The following ANKRD26 variants were observed in gnomAD, a reference collection of about 807,000 sequenced individuals.
The protein encoded by ANKRD26 is ankyrin repeat domain 26.
In ANKRD26, 141 loss-of-function variants were observed where a neutral mutation model predicts 208.7. The observed-to-expected ratio is 0.68, with a 90% CI of 0.59 to 0.78. The LOEUF is 0.78. Ranked by LOEUF, ANKRD26 falls within the 30% of genes least tolerant of loss-of-function variation. The pLI, the probability that ANKRD26 is intolerant of heterozygous loss-of-function variation, is 0.00. For synonymous variants in ANKRD26, 636 were observed against 660.4 expected (o/e 0.96, Z 0.57); for missense variants, 1,889 against 1,938.7 (o/e 0.97, Z 0.48).
Position 27,005,683 on chromosome 10 carries a change from T to C in ANKRD26, c.5040A>G (p.Leu1680=). ...TTAGATTTGACTCATCAGTAGACCC[T>C]AGAGGGGAAGCTATTGATCCAGATT... ...ELESGSIASP[L]GSTDESNLNQ... Residue 1680 remains leucine (L), a synonymous_variant, in exon 34 of 34, where the codon CTA becomes CTG. Coordinates refer to ENST00000376087, the MANE Select transcript of ANKRD26 (RefSeq NM_014915.3). 6.2e-7 allele frequency: 1 copy of C among 1,612,296 alleles called. No individual in the cohort carries two copies. Among genetic ancestry groups the C allele is most frequent in the Non-Finnish European group, 8.5e-7 (1 of 1,179,004 alleles).
downstream of ANKRD26, among the ~76,000 whole-genome samples, chr10:26,989,290 C>CT (rs2052444785): frequency 7.2e-5 from 11 of 152,270 alleles, no homozygotes; most frequent in Admixed American, 6.5e-4. Flanking sequence ...CTTTTCTCCT[C>CT]TAACATTTTC....
At chr10:26,973,532 T>C (rs1197572813), downstream of ANKRD26, among the ~76,000 whole-genome samples, 2 of 151,860 alleles carry the variant, frequency 1.3e-5, no homozygotes, top group Non-Finnish European at 2.9e-5. Context: ...GCTGATTTTG[T>C]TTTATAATTT....
At chr10:26,951,521 T>C in the ANKRD26 span, among the ~76,000 whole-genome samples, 8 of 152,362 alleles carry the variant, frequency 5.3e-5, no homozygotes, top group South Asian at 8.3e-4. Flanking sequence ...TCACCTTTTA[T>C]ACTACATTTT....
rs191003153 is a variant in ANKRD26, at chr10:27,052,954, C to T, written c.1635+366G>A. 2.0e-3 allele frequency among the ~76,000 whole-genome samples: 301 copies of T among 152,208 alleles called. 2 individuals are homozygous for T. Among genetic ancestry groups the T allele is most frequent in the African/African-American group, 6.7e-3 (280 of 41,556 alleles). ...AAGATGAATCCAACTCAGTGGCCAT[C>T]AGTGTTAAAATGTTCATAATTTCTA... On this transcript the variant is annotated intron_variant, in intron 16 of 33. Transcript: ENST00000376087.
At chr10:27,030,678 T>C in intron 25 of ANKRD26, 1 of 818,318 alleles carries the variant, frequency 1.2e-6, no homozygotes, top group African/African-American at 1.9e-5. Flanking sequence ...AACTTTCCTT[T>C]ACTAGATTAA....
At chr10:26,954,050 T>C in the ANKRD26 span, among the ~76,000 whole-genome samples, 1 of 152,242 alleles carries the variant, frequency 6.6e-6, no homozygotes, top group African/African-American at 2.4e-5. Flanking sequence ...CTTTCACTTA[T>C]ATTGTCTGGT....
Position 27,005,480 on chromosome 10 carries a change from G to C in ANKRD26, c.*110C>G, listed in dbSNP as rs2052838914. On this transcript the variant is annotated 3_prime_UTR_variant, in exon 34 of 34. Transcript: ENST00000376087. The stretch of plus-strand genomic sequence containing the variant: ...TAAAATACTATATAAATTTTGATCT[G>C]ACATATATGATACAAAAATACGTTC... 1.3e-6 allele frequency: 2 copies of C among 1,524,956 alleles called. No homozygotes were observed. Among genetic ancestry groups the C allele is most frequent in the African/African-American group, 1.4e-5 (1 of 70,860 alleles). 94.5% of individuals were successfully genotyped at this position (1,524,956 alleles called of 1,614,324 possible). A position where few individuals can be genotyped will look rare whatever the true frequency, so the allele number is the denominator to read the frequency against.
intron 4 of ANKRD26, among the ~76,000 whole-genome samples, chr10:26,981,379 T>C (rs1364415310): frequency 6.6e-6 from 1 of 152,192 alleles, no homozygotes. Context: ...CTGTGTGCAA[T>C]ACTGATAACA....
the ANKRD26 span, among the ~76,000 whole-genome samples, chr10:26,949,886 CTT>C: frequency 1.3e-5 from 2 of 152,176 alleles, no homozygotes; most frequent in Non-Finnish European, 2.9e-5. Context: ...CCTTTGATAT[CTT>C]TGAGTTTATC....
intron 5 of ANKRD26, among the ~76,000 whole-genome samples, chr10:26,979,174 C>G (rs1409500668): frequency 1.3e-5 from 2 of 152,070 alleles, no homozygotes; most frequent in Admixed American, 6.6e-5. Context: ...GAGCCGAGAT[C>G]GCGCCACTGC....
chr10:26,959,887 T>C, the ANKRD26 span, among the ~76,000 whole-genome samples: 2 of 152,148 alleles, frequency 1.3e-5, no homozygotes, highest in Non-Finnish European at 2.9e-5. Context: ...AAGACTTAAT[T>C]GATGCGTATA....
the ANKRD26 span, among the ~76,000 whole-genome samples, chr10:26,964,059 G>A: frequency 4.0e-5 from 6 of 151,202 alleles, no homozygotes; most frequent in African/African-American, 1.2e-4. Context: ...GATTACAGGC[G>A]CACCACCACA....
downstream of ANKRD26, among the ~76,000 whole-genome samples, chr10:26,987,883 TCA>T (rs1003462477): frequency 2.0e-4 from 30 of 152,172 alleles, no homozygotes; most frequent in African/African-American, 6.8e-4. Flanking sequence ...GATACAGCTC[TCA>T]CACAGTGAGG....
Position 27,100,408 on chromosome 10 carries a change from C to A in ANKRD26, c.-82G>T, listed in dbSNP as rs1229234220. On this transcript the variant is annotated 5_prime_UTR_variant, in exon 1 of 34. Coordinates refer to ENST00000376087, the MANE Select transcript of ANKRD26 (RefSeq NM_014915.3). ...TCCGGAGCCCAACATAACAAGTCAG[C>A]CCCGGCTGGCCGCAGCCTCCCAAAG... The A allele has an allele frequency of 7.0e-6, 11 of 1,568,316 alleles. No individual in the cohort carries two copies. In the East Asian group the frequency reaches 2.5e-4, roughly 35 times the overall value.
At chr10:27,077,290 G>T in intron 9 of ANKRD26, 48 bp downstream of exon 9, 1 of 1,444,302 alleles carries the variant, frequency 6.9e-7, no homozygotes, top group Non-Finnish European at 9.7e-7. Flanking sequence ...GAGGATTGTT[G>T]GGGCAGGGGA....
chr10:27,053,444 A>C, intron 15 of ANKRD26, 54 bp from the exon 16 acceptor site: 1 of 1,133,922 alleles, frequency 8.8e-7, no homozygotes, highest in Non-Finnish European at 1.3e-6. Context: ...GTTAGGTAAA[A>C]GGTATAGTCT....
At position 27,025,443 on chromosome 10, in the gene ANKRD26, T is replaced by C. The variant is rs200646916; in HGVS notation, c.3973-884A>G. On this transcript the variant is annotated intron_variant, in intron 27 of 33. Transcript: ENST00000376087. ...CCTCAGCCTCCTAAAGCACTGGAAT[T>C]ACAGGTGTCAGCCACTGTGCTCATC... Among the ~76,000 whole-genome samples, 23 of 152,324 alleles carry C rather than the reference T, an allele frequency of 1.5e-4. No homozygotes were observed. In the East Asian group the frequency reaches 4.4e-3, roughly 29 times the overall value.
chr10:26,996,153 A>C (rs187649884), intron 4 of ANKRD26, among the ~76,000 whole-genome samples: 29 of 152,294 alleles, frequency 1.9e-4, no homozygotes, highest in African/African-American at 6.0e-4. Context: ...ATTCTGTACA[A>C]ATCTCCACCC....
intron 5 of ANKRD26, among the ~76,000 whole-genome samples, chr10:26,992,261 C>T (rs1484336733): frequency 6.6e-6 from 1 of 151,942 alleles, no homozygotes; most frequent in East Asian, 1.9e-4. Context: ...TTACATTTTC[C>T]TCCCATTTTT....
Sources: gnomAD v4.1 joint callset for allele counts (sites outside exome capture counted in the v4.1 genomes callset) on GRCh38, gnomAD v4.1.1 for gene constraint, MANE v1.5 for transcripts, NCBI Gene and HGNC (gene_info 2026-07-23, HGNC 2026-07-21) for gene names.